DPH7: variants seen among roughly 807,000 people sequenced by gnomAD.
The protein encoded by DPH7 is diphthamide biosynthesis 7.
Under a neutral mutation model 41.7 loss-of-function variants are expected in DPH7, and 44 were observed. That is an observed-to-expected ratio of 1.05 (90% confidence interval 0.83 to 1.36). The LOEUF is 1.36. DPH7 is among the 40% of genes most tolerant of loss of function. DPH7 has a pLI of 0.00. For synonymous variants in DPH7, 275 were observed against 238.0 expected (o/e 1.16, Z -1.43); for missense variants, 629 against 577.5 (o/e 1.09, Z -0.91).
Position 137,555,365 on chromosome 9 carries a change from C to A in DPH7, c.1233G>T (p.Gln411His). 2 of 1,614,218 alleles carry A rather than the reference C, an allele frequency of 1.2e-6. No individual in the cohort carries two copies. Among genetic ancestry groups the A allele is most frequent in the Non-Finnish European group, 1.7e-6 (2 of 1,180,038 alleles). Residue 411 changes from glutamine to histidine, a missense_variant, in exon 9 of 9, where the codon CAG (glutamine) becomes CAT (histidine). By Grantham distance (24) the Gln-to-His change is conservative. Transcript: ENST00000277540. Reference sequence around the variant, plus strand: ...AGTCACGTGTGGTGGCTGCTGTAGCCTGCAGCCAGGTGCCATTCTTCCTCA... The same window carrying A: ...AGTCACGTGTGGTGGCTGCTGTAGCATGCAGCCAGGTGCCATTCTTCCTCA... ...EGMRKNGTWL[Q>H]ATAATTRDCG...
In DPH7 at chr9:137,564,704, C is replaced by T; in HGVS notation, c.777-98G>A. The T allele has an allele frequency of 2.0e-6, 3 of 1,507,296 alleles. No homozygotes were observed. In the East Asian group the frequency reaches 6.8e-5, roughly 34 times the overall value. 93.4% of individuals were successfully genotyped at this position (1,507,296 alleles called of 1,614,324 possible). On this transcript the variant is annotated intron_variant, in intron 7 of 8. Transcript: ENST00000277540. ...CACAGAACGTCTCCCAGAGACCTGT[C>T]CCATGCATCCCTCGAGGACAAAGTC...
chr9:137,561,542 C>CAAAAAA lies in DPH7; in HGVS notation c.949+2886_949+2891dup, dbSNP rs557915176. On this transcript the variant is annotated intron_variant, in intron 8 of 8. Coordinates refer to ENST00000277540, the MANE Select transcript of DPH7 (RefSeq NM_138778.5). ...TGGGTGACAGAGCGAGACTCCATCT[C>CAAAAAA]AAAAAAAAAAAAAAAAAAAAGCATG... Among the ~76,000 whole-genome samples, 18 of 52,220 alleles carry CAAAAAA rather than the reference C, an allele frequency of 3.4e-4. 1 individual carries two copies. The highest frequency in any genetic ancestry group is 7.8e-4 in the Admixed American group (3 of 3,826). The allele number at this position is 52,220 out of a possible 152,430, so 34.3% of individuals were successfully genotyped here.
intron 8 of DPH7, among the ~76,000 whole-genome samples, chr9:137,563,652 G>A (rs1839025781): frequency 2.0e-5 from 3 of 152,176 alleles, no homozygotes; most frequent in South Asian, 4.1e-4. Context: ...CACCGCTGCA[G>A]AGGGCAGAGA....
chr9:137,572,379 AT>A, intron 5 of DPH7, among the ~76,000 whole-genome samples: 1 of 152,284 alleles, frequency 6.6e-6, no homozygotes, highest in East Asian at 1.9e-4. Context: ...ACTATTTTGG[AT>A]TTTATCCTCA....
Position 137,564,476 on chromosome 9 carries a change from T to C in DPH7, c.907A>G (p.Met303Val), listed in dbSNP as rs1025323182. The C allele has an allele frequency of 6.2e-7, 1 of 1,614,098 alleles. No homozygotes were observed. The highest frequency in any genetic ancestry group is 8.5e-7 in the Non-Finnish European group (1 of 1,179,998). ...TTGAGGATCTTAAAGCCACTGTGCA[T>C]GCAGGCGGCCAGGAGCAGGTGGTGG... ...FHHHLLLAAC[M>V]HSGFKILNCQ... The change falls in exon 8 of 9, where the codon ATG becomes GTG. Residue 303 changes from methionine to valine, a missense_variant. Physicochemically the swap from Met to Val is conservative, Grantham distance 21. Coordinates refer to ENST00000277540, the MANE Select transcript of DPH7 (RefSeq NM_138778.5).
At position 137,555,655 on chromosome 9, in the gene DPH7, TGA is replaced by T. The variant is rs772822279; in HGVS notation, c.950-9_950-8del. 8 of 1,576,468 alleles carry T rather than the reference TGA, an allele frequency of 5.1e-6. No homozygotes were observed. The African/African-American group carries it at 9.5e-5, about 19-fold the overall frequency. On this transcript the variant is annotated splice_region_variant and splice_polypyrimidine_tract_variant and intron_variant, in intron 8 of 8. Coordinates refer to ENST00000277540, the MANE Select transcript of DPH7 (RefSeq NM_138778.5). ...GTCGCCTCCTGCCTCTCCTCTGGAG[TGA>T]GAGATGGGAGAACCCAGGAAACACA...
At position 137,556,869 on chromosome 9, in the gene DPH7, G is replaced by GA. The variant is rs1837597239; in HGVS notation, c.950-1222dup. On this transcript the variant is annotated intron_variant, in intron 8 of 8. Transcript: ENST00000277540. This position sits in a 1 kb window ranked among gnomAD's most constrained non-coding sequence, Gnocchi z 5.2. ...AAGCCCTCAGAGAGCCACAGCCTGG[G>GA]AAAAAGACAGCGAATGAGTGGACGG... 2.2e-6 allele frequency: 1 copy of GA among 456,574 alleles called. No homozygotes were observed. The highest frequency in any genetic ancestry group is 2.0e-5 in the African/African-American group (1 of 50,096). 28.3% of individuals were successfully genotyped at this position (456,574 alleles called of 1,614,324 possible). A position where few individuals can be genotyped will look rare whatever the true frequency, so the allele number is the denominator to read the frequency against.
intron 5 of DPH7, among the ~76,000 whole-genome samples, chr9:137,567,724 ACT>A (rs71493675): frequency 2.3e-4 from 1 of 4,374 alleles, no homozygotes; most frequent in Non-Finnish European, 3.7e-4. Flanking sequence ...CCCCGGGGTG[ACT>A]CTGTCTGTGA....
At chr9:137,563,607 GA>G (rs1839012475) in intron 8 of DPH7, among the ~76,000 whole-genome samples, 11 of 152,054 alleles carry the variant, frequency 7.2e-5, no homozygotes, top group Admixed American at 2.6e-4. Context: ...CCAGTGCAGA[GA>G]AGAAACTGGC....
intron 5 of DPH7, among the ~76,000 whole-genome samples, chr9:137,570,963 G>T (rs376073315): frequency 6.6e-6 from 1 of 152,058 alleles, no homozygotes; most frequent in Admixed American, 6.6e-5. Context: ...CTGTCTCCCC[G>T]CCACAGAATG....
chr9:137,576,962 G>C (rs1248242154), intron 2 of DPH7, among the ~76,000 whole-genome samples: 1 of 151,592 alleles, frequency 6.6e-6, no homozygotes, highest in Non-Finnish European at 1.5e-5. Flanking sequence ...GGCTGAGACA[G>C]AGAATTGCTT....
At chr9:137,578,445 C>T (rs1841824718) in intron 1 of DPH7, 180 bp downstream of exon 1, 3 of 680,244 alleles carry the variant, frequency 4.4e-6, no homozygotes, top group South Asian at 4.6e-5. Context: ...GGATTACAGG[C>T]GTGAGCCACT....
At chr9:137,577,414 T>G in intron 2 of DPH7, 56 bp downstream of exon 2, 3 of 1,559,834 alleles carry the variant, frequency 1.9e-6, no homozygotes, top group Non-Finnish European at 2.6e-6. Context: ...GCATCAGGCT[T>G]CCCTGATTGC....
At position 137,554,835 on chromosome 9, in the gene DPH7, T is replaced by G. The variant is rs143284776; in HGVS notation, c.*404A>C. On this transcript the variant is annotated 3_prime_UTR_variant, in exon 9 of 9. Transcript: ENST00000277540. ...GGATTTTTGGACTGGCTGTGCTCAA[T>G]CTATACAAGCATTTCTGGTGCCATG... 1.9e-5 allele frequency: 3 copies of G among 161,522 alleles called. No homozygotes were observed. Among genetic ancestry groups the G allele is most frequent in the African/African-American group, 7.2e-5 (3 of 41,826 alleles). 10.0% of individuals were successfully genotyped at this position (161,522 alleles called of 1,614,324 possible).
At chr9:137,563,000 G>T (rs1348737829) in intron 8 of DPH7, among the ~76,000 whole-genome samples, 1 of 151,358 alleles carries the variant, frequency 6.6e-6, no homozygotes. Flanking sequence ...TTTAATACAA[G>T]AAATATTATG....
intron 8 of DPH7, among the ~76,000 whole-genome samples, chr9:137,563,057 T>C (rs1468247171): frequency 2.6e-5 from 4 of 151,904 alleles, no homozygotes; most frequent in African/African-American, 7.3e-5. Flanking sequence ...GATGGGAGGA[T>C]GGTTTGAGCC....
intron 8 of DPH7, among the ~76,000 whole-genome samples, chr9:137,562,250 A>G (rs560113769): frequency 6.6e-6 from 1 of 152,272 alleles, no homozygotes; most frequent in South Asian, 2.1e-4. Flanking sequence ...CCTCACAGGC[A>G]CCTACAGGGC....
chr9:137,564,207 G>A (rs548509760), intron 8 of DPH7, among the ~76,000 whole-genome samples: 2 of 152,350 alleles, frequency 1.3e-5, no homozygotes, highest in African/African-American at 2.4e-5. Flanking sequence ...CCGGAATGAC[G>A]GAGCTGGGAA....
chr9:137,576,419 T>TA, intron 2 of DPH7: 1 of 504,116 alleles, frequency 2.0e-6, no homozygotes. Context: ...ATAGAAAAGA[T>TA]ACAGTAAGAA....
Sources: allele counts gnomAD v4.1 joint callset (sites outside exome capture counted in the v4.1 genomes callset), GRCh38; gene constraint gnomAD v4.1.1; non-coding constraint Gnocchi (gnomAD v3.1); transcripts MANE v1.5; gene names NCBI Gene and HGNC (gene_info 2026-07-23, HGNC 2026-07-21).